Variants in MSL3 observed in about 807,000 individuals in gnomAD.
MSL3 encodes the protein MSL3-like 1.
A neutral mutation model predicts 37.2 loss-of-function variants in MSL3; 5 were observed. That is an observed-to-expected ratio of 0.13 (90% CI 0.07 to 0.28). MSL3 has a LOEUF of 0.28. MSL3 is among the 10% of genes least tolerant of loss of function. MSL3 has a pLI of 1.00. For missense variants in MSL3, 315 were observed against 408.5 expected, an observed-to-expected ratio of 0.77 and a Z score of 1.97; for synonymous variants, 149 against 147.6, an observed-to-expected ratio of 1.01 and a Z score of -0.07.
At chrX:11,769,586 G>T (rs779855233) in intron 10 of MSL3, among the ~76,000 whole-genome samples, 2 of 111,450 alleles carry the variant, frequency 1.8e-5, no homozygotes, top group South Asian at 7.6e-4. Context: ...AAATGGCTTT[G>T]CTAGGCAAAG....
chrX:11,763,102 T>G (rs1055495163), intron 7 of MSL3, 105 bp downstream of exon 7: 8 of 604,540 alleles, frequency 1.3e-5, no homozygotes, highest in Non-Finnish European at 1.9e-5. Flanking sequence ...TTTGAATTCA[T>G]TTAATATTTA....
intron 9 of MSL3, 28 bp downstream of exon 9, chrX:11,765,757 C>T (rs368501339): frequency 2.3e-5 from 28 of 1,204,084 alleles, no homozygotes; most frequent in Non-Finnish European, 2.9e-5. Context: ...TGCCCCAGGC[C>T]GGGGAGAGCC....
Position 11,758,336 on chromosome X carries a change from A to C in MSL3, c.73A>C (p.Thr25Pro). 1 of 1,130,817 alleles carries C rather than the reference A, an allele frequency of 8.8e-7. No individual in the cohort carries two copies. The highest frequency in any genetic ancestry group is 1.2e-6 in the Non-Finnish European group (1 of 852,626). 93.2% of individuals were successfully genotyped at this position (1,130,817 alleles called of 1,213,427 possible). Reference protein sequence around the residue: ...EKVLCFEPDPTKARVLYDAKI... With the variant: ...EKVLCFEPDPPKARVLYDAKI... The stretch of plus-strand genomic sequence containing the variant: ...AGTGCTGTGCTTCGAGCCTGACCCC[A>C]CCAAGGCGCGAGTGCTGTACGATGC... The change falls in exon 1 of 13, where the codon ACC (threonine) becomes CCC (proline). Residue 25 changes from threonine to proline, a missense_variant. Transcript: ENST00000312196.
intron 1 of MSL3, 89 bp downstream of exon 1, chrX:11,758,454 A>T (rs1311531009): frequency 1.7e-5 from 16 of 938,815 alleles, no homozygotes; most frequent in Non-Finnish European, 2.2e-5. Flanking sequence ...CGCGGAGCTG[A>T]GGGACCGGCC....
At chrX:11,773,000 C>T (rs1342314456) in intron 12 of MSL3, among the ~76,000 whole-genome samples, 1 of 111,903 alleles carries the variant, frequency 8.9e-6, no homozygotes, top group African/African-American at 3.2e-5. Flanking sequence ...AATAAATTTT[C>T]TAAAGTAGAA....
chrX:11,775,258 T>C lies in MSL3; in HGVS notation c.*179T>C. 2.5e-6 allele frequency: 1 copy of C among 403,155 alleles called. No homozygotes were observed. The allele number at this position is 403,155 out of a possible 1,213,427, so 33.2% of individuals were successfully genotyped here. A position where few individuals can be genotyped will look rare whatever the true frequency, so the allele number is the denominator to read the frequency against. On this transcript the variant is annotated 3_prime_UTR_variant, in exon 13 of 13. Transcript: ENST00000312196. ...ATTCTGTTAGGAATGATTCCCTGGG[T>C]GCCTGAAAGTGCTCTGACACGACAC...
In MSL3 at chrX:11,765,556, C is replaced by T. The variant is rs754592866; in HGVS notation, c.998C>T (p.Ala333Val). ...AGTCAGCCGACCACCGGTGAACCAG[C>T]CACCCCCAAAAGGCGCAAAGCTGAG... ...TESQPTTGEPATPKRRKAEPE... is the reference protein window; with the variant it reads ...TESQPTTGEPVTPKRRKAEPE... Residue 333 changes from alanine (A) to valine (V), a missense_variant, in exon 9 of 13, where the codon GCC becomes GTC. By Grantham distance (64) the Ala-to-Val change is moderately conservative. Transcript: ENST00000312196. 3 of 1,211,291 alleles carry T rather than the reference C, an allele frequency of 2.5e-6. No homozygotes were observed.
At chrX:11,760,684 T>C (rs745768043) in intron 3 of MSL3, among the ~76,000 whole-genome samples, 153 bp from the exon 4 acceptor site, 111 of 112,581 alleles carry the variant, frequency 9.9e-4, no homozygotes, top group Non-Finnish European at 1.7e-3. Context: ...AGAGTGGTTA[T>C]TGTATAATTT....
At chrX:11,770,641 G>T (rs778794706) in intron 10 of MSL3, among the ~76,000 whole-genome samples, 1 of 111,086 alleles carries the variant, frequency 9.0e-6, no homozygotes, top group Admixed American at 9.5e-5. Context: ...CAGTACTAGG[G>T]GCTGGTCTGG....
intron 1 of MSL3, chrX:11,758,711 T>G (rs1211026637): frequency 8.6e-7 from 1 of 1,166,800 alleles, no homozygotes; most frequent in Non-Finnish European, 1.1e-6. Flanking sequence ...GCGTTAAATG[T>G]CTCCTTCTGT....
rs895776770 is a variant in MSL3, at chrX:11,758,682, G to A, written c.102+317G>A. The A allele has an allele frequency of 3.1e-5, 36 of 1,165,177 alleles. No homozygotes were observed. The Admixed American group carries it at 9.3e-4, about 30-fold the overall frequency. On this transcript the variant is annotated intron_variant, in intron 1 of 12. Coordinates refer to ENST00000312196, the MANE Select transcript of MSL3 (RefSeq NM_078629.4). The stretch of plus-strand genomic sequence containing the variant: ...TGGCCGCTGAGGGAGGAGGCTTCTC[G>A]AATACGGTTTCTGTCTTCGCGTTAA...
chrX:11,763,731 A>C, intron 7 of MSL3, 49 bp from the exon 8 acceptor site: 1 of 1,106,958 alleles, frequency 9.0e-7, no homozygotes, highest in East Asian at 3.0e-5. Context: ...GAACATTTGG[A>C]AAGTACCTCT....
intron 9 of MSL3, chrX:11,766,510 CTT>C: frequency 1.3e-6 from 1 of 754,388 alleles, no homozygotes; most frequent in Non-Finnish European, 1.6e-6. Context: ...ATTAAGCCCT[CTT>C]AGTAGTAGTA....
At position 11,762,872 on chromosome X, in the gene MSL3, G is replaced by A. The variant is rs1018682316; in HGVS notation, c.624G>A (p.Thr208=). The change falls in exon 7 of 13, where the codon ACG becomes ACA. Residue 208 remains threonine, a synonymous_variant. Transcript: ENST00000312196. ...VKLPCQTNII[T]ILESYVKHFA... is the part of the protein sequence containing the mutation. ...TTCCATGCCAGACCAACATCATAAC[G>A]ATTTTGGAATCCTATGTGAAGCATT... 8.3e-7 allele frequency: 1 copy of A among 1,208,225 alleles called. No homozygotes were observed. The highest frequency in any genetic ancestry group is 3.0e-5 in the East Asian group (1 of 33,722).
intron 9 of MSL3, 87 bp downstream of exon 9, chrX:11,765,816 A>ATG (rs775212692): frequency 6.0e-6 from 7 of 1,169,840 alleles, no homozygotes; most frequent in African/African-American, 1.8e-5. Context: ...CTGAGGTTAC[A>ATG]TGTGTGTGTG....
intron 9 of MSL3, chrX:11,766,965 G>C: frequency 1.3e-6 from 1 of 754,408 alleles, no homozygotes; most frequent in Non-Finnish European, 1.6e-6. Context: ...CCTCAGCCTC[G>C]CCTGCTGTGC....
chrX:11,765,080 T>C (rs769214954), intron 8 of MSL3, among the ~76,000 whole-genome samples: 25 of 112,890 alleles, frequency 2.2e-4, no homozygotes, highest in East Asian at 1.9e-3. Flanking sequence ...CTCGGCCCTA[T>C]TGATGTTTTG....
At chrX:11,761,148 T>G (rs1329707402) in intron 4 of MSL3, 1 of 393,570 alleles carries the variant, frequency 2.5e-6, no homozygotes, top group Non-Finnish European at 4.4e-6. Flanking sequence ...TACTGCCCTC[T>G]CGGCCAGCAT....
At chrX:11,758,611 T>G (rs2053096004) in intron 1 of MSL3, 7 of 1,143,510 alleles carry the variant, frequency 6.1e-6, no homozygotes, top group Non-Finnish European at 8.1e-6. Context: ...TCGCCCATGC[T>G]TTGTCGCGTT....
Sources: allele counts gnomAD v4.1 joint callset (sites outside exome capture counted in the v4.1 genomes callset), GRCh38; gene constraint gnomAD v4.1.1; transcripts MANE v1.5; gene names NCBI Gene and HGNC (gene_info 2026-07-23, HGNC 2026-07-21).